Variants in ANGPT2 observed in about 807,000 individuals in gnomAD.
The protein encoded by ANGPT2 is angiopoietin 2.
A neutral mutation model predicts 62.9 loss-of-function variants in ANGPT2; 28 were observed. The observed-to-expected ratio is 0.44, with a 90% confidence interval of 0.33 to 0.61. The LOEUF is 0.61. Ranked by LOEUF, ANGPT2 falls within the 20% of genes least tolerant of loss-of-function variation. The probability of loss-of-function intolerance (pLI) is 0.03; values close to 1 mark genes in which losing one functional copy is unlikely to be tolerated. For missense variants in ANGPT2, 727 were observed against 594.9 expected (o/e 1.22, Z -2.31); for synonymous variants, 284 against 207.8 (o/e 1.37, Z -3.15).
intron 1 of ANGPT2, among the ~76,000 whole-genome samples, chr8:6,536,604 C>T (rs1208544053): frequency 6.6e-6 from 1 of 152,090 alleles, no homozygotes; most frequent in Non-Finnish European, 1.5e-5. Flanking sequence ...GTGTTTTCTT[C>T]CAAAGATTAG....
intron 1 of ANGPT2, among the ~76,000 whole-genome samples, chr8:6,549,166 T>G (rs925016476): frequency 3.3e-5 from 5 of 152,218 alleles, no homozygotes; most frequent in Admixed American, 6.5e-5. Flanking sequence ...ATACATGGGT[T>G]TGTACAGTTG....
intron 7 of ANGPT2, among the ~76,000 whole-genome samples, chr8:6,509,577 G>A (rs1814533955): frequency 6.6e-6 from 1 of 152,034 alleles, no homozygotes; most frequent in South Asian, 2.1e-4. Context: ...ATTTCCTCAT[G>A]TCTGTATAGT....
At chr8:6,532,264 CT>C in intron 2 of ANGPT2, 67 bp downstream of exon 2, 2 of 1,583,898 alleles carry the variant, frequency 1.3e-6, no homozygotes, top group Non-Finnish European at 1.7e-6. Context: ...ATTGAGGAAG[CT>C]CCTGACGCGA....
chr8:6,542,278 CAT>C (rs1238246275), intron 1 of ANGPT2, among the ~76,000 whole-genome samples: 7 of 151,826 alleles, frequency 4.6e-5, no homozygotes, highest in Non-Finnish European at 1.0e-4. Context: ...TTTGTCTACA[CAT>C]GTGAGGTAGG....
At chr8:6,558,435 C>A (rs142777443) in intron 1 of ANGPT2, among the ~76,000 whole-genome samples, 1 of 152,036 alleles carries the variant, frequency 6.6e-6, no homozygotes, top group Admixed American at 6.6e-5. Context: ...TTTAAATGTA[C>A]AAAATTTCAA....
Position 6,500,071 on chromosome 8 carries a change from C to G in ANGPT2, c.*3030G>C, listed in dbSNP as rs1485149580. 1.4e-6 allele frequency: 1 copy of G among 722,464 alleles called. No individual in the cohort carries two copies. The highest frequency in any genetic ancestry group is 1.5e-5 in the South Asian group (1 of 65,394). 44.8% of individuals were successfully genotyped at this position (722,464 alleles called of 1,614,324 possible). On this transcript the variant is annotated 3_prime_UTR_variant, in exon 9 of 9. Coordinates refer to ENST00000629816, the MANE Select transcript of ANGPT2 (RefSeq NM_001118887.2). Reference sequence around the variant, plus strand: ...AAAAAGACATTCACAGAACTTAACACCTTTTATCAATTTATTCGCGAGAAC... The same window carrying G: ...AAAAAGACATTCACAGAACTTAACAGCTTTTATCAATTTATTCGCGAGAAC...
chr8:6,538,367 C>T (rs993862495), intron 1 of ANGPT2, among the ~76,000 whole-genome samples: 1 of 152,254 alleles, frequency 6.6e-6, no homozygotes, highest in Admixed American at 6.5e-5. Context: ...ACGCATCCCC[C>T]AGCTGCTCTC....
chr8:6,506,920 G>A (rs1190517550), intron 8 of ANGPT2, among the ~76,000 whole-genome samples: 2 of 149,980 alleles, frequency 1.3e-5, no homozygotes, highest in Non-Finnish European at 3.0e-5. Flanking sequence ...TTTTTGAGAC[G>A]GAGTCTCACT....
At chr8:6,503,282 A>C (rs56144883) in intron 8 of ANGPT2, 21 bp from the exon 9 acceptor site, 1 of 1,613,842 alleles carries the variant, frequency 6.2e-7, no homozygotes, top group East Asian at 2.2e-5. Flanking sequence ...AAAACACAGA[A>C]GGAATTAGGA....
At chr8:6,538,680 G>A (rs1420593424) in intron 1 of ANGPT2, among the ~76,000 whole-genome samples, 1 of 152,102 alleles carries the variant, frequency 6.6e-6, no homozygotes, top group Non-Finnish European at 1.5e-5. Flanking sequence ...TACTCGTTTT[G>A]TGTTTCCTTT....
intron 1 of ANGPT2, among the ~76,000 whole-genome samples, chr8:6,560,040 A>G (rs980620599): frequency 3.3e-5 from 5 of 152,222 alleles, no homozygotes; most frequent in African/African-American, 4.8e-5. Flanking sequence ...TCCCTAGGCT[A>G]TGCTGACCAC....
At chr8:6,546,056 G>A (rs1051239485) in intron 1 of ANGPT2, among the ~76,000 whole-genome samples, 1 of 152,226 alleles carries the variant, frequency 6.6e-6, no homozygotes, top group Non-Finnish European at 1.5e-5. Context: ...GTGAGTCCCA[G>A]TTCAGTTCCT....
Position 6,500,973 on chromosome 8 carries a change from A to G in ANGPT2, c.*2128T>C, listed in dbSNP as rs1176925123. The stretch of plus-strand genomic sequence containing the variant: ...TATCCATCACTCTTGTCATTGAGAT[A>G]TCCTAGAAACTTGTTGTTGTCTTTC... On this transcript the variant is annotated 3_prime_UTR_variant, in exon 9 of 9. Coordinates refer to ENST00000629816, the MANE Select transcript of ANGPT2 (RefSeq NM_001118887.2). The G allele has an allele frequency of 2.0e-5, 3 of 152,232 alleles. No individual in the cohort carries two copies. The highest frequency in any genetic ancestry group is 2.9e-5 in the Non-Finnish European group (2 of 68,044). 9.4% of individuals were successfully genotyped at this position (152,232 alleles called of 1,614,324 possible). A position where few individuals can be genotyped will look rare whatever the true frequency, so the allele number is the denominator to read the frequency against.
chr8:6,514,801 T>C, intron 5 of ANGPT2, 23 bp from the exon 6 acceptor site: 1 of 1,605,094 alleles, frequency 6.2e-7, no homozygotes, highest in South Asian at 1.1e-5. Context: ...ATGCAGGGTA[T>C]AAGTGACAGA....
At chr8:6,506,936 C>T (rs1321164419) in intron 8 of ANGPT2, among the ~76,000 whole-genome samples, 1 of 151,500 alleles carries the variant, frequency 6.6e-6, no homozygotes, top group South Asian at 2.1e-4. Flanking sequence ...TCACTCTTGT[C>T]GTCCAGGCTG....
chr8:6,513,964 C>G lies in ANGPT2; in HGVS notation c.1030-120G>C, dbSNP rs190495677. Reference sequence around the variant, plus strand: ...CAAATAGCAGAAATTCCTTCTGGTGCTGTGACAATTTAGGGTCCTTCCCAA... The same window carrying G: ...CAAATAGCAGAAATTCCTTCTGGTGGTGTGACAATTTAGGGTCCTTCCCAA... On this transcript the variant is annotated intron_variant, in intron 6 of 8. Transcript: ENST00000629816. The G allele has an allele frequency of 1.4e-5, 14 of 974,432 alleles. No homozygotes were observed. The Admixed American group carries it at 3.4e-4, about 23-fold the overall frequency. 60.4% of individuals were successfully genotyped at this position (974,432 alleles called of 1,614,324 possible). A position where few individuals can be genotyped will look rare whatever the true frequency, so the allele number is the denominator to read the frequency against.
At chr8:6,550,450 C>T (rs573492203) in intron 1 of ANGPT2, among the ~76,000 whole-genome samples, 1 of 152,350 alleles carries the variant, frequency 6.6e-6, no homozygotes, top group South Asian at 2.1e-4. Flanking sequence ...AACCACTCAG[C>T]ATCCAGCGCG....
chr8:6,532,246 A>G, intron 2 of ANGPT2, 86 bp downstream of exon 2: 2 of 1,501,684 alleles, frequency 1.3e-6, no homozygotes, highest in Non-Finnish European at 1.8e-6. Flanking sequence ...TTAGTTTCTC[A>G]TGCCTTCATT....
At chr8:6,556,747 G>A (rs1169461552) in intron 1 of ANGPT2, among the ~76,000 whole-genome samples, 1 of 152,056 alleles carries the variant, frequency 6.6e-6, no homozygotes, top group Non-Finnish European at 1.5e-5. Flanking sequence ...CCAAGTAGCT[G>A]GGACCACAGC....
Sources: allele counts gnomAD v4.1 joint callset (sites outside exome capture counted in the v4.1 genomes callset), GRCh38; gene constraint gnomAD v4.1.1; transcripts MANE v1.5; gene names NCBI Gene and HGNC (gene_info 2026-07-23, HGNC 2026-07-21).